Variants in ABCA12 observed in about 807,000 individuals in gnomAD.
The protein encoded by ABCA12 is ATP binding cassette subfamily A member 12.
ABCA12 carries 156 observed loss-of-function variants against 293.5 expected under a neutral mutation model. That is an observed-to-expected ratio of 0.53 (90% CI 0.47 to 0.61). The LOEUF is 0.61. Among genes scored for constraint, ABCA12 ranks in the 20% least tolerant of loss-of-function variants. The pLI, the probability that ABCA12 is intolerant of heterozygous loss-of-function variation, is 0.00. For missense variants in ABCA12, 2,797 were observed against 3,090.2 expected, an observed-to-expected ratio of 0.91 and a Z score of 2.25; for synonymous variants, 1,063 against 1,108.0, an observed-to-expected ratio of 0.96 and a Z score of 0.81.
chr2:214,946,408 G>A (rs944970682), intron 48 of ABCA12, among the ~76,000 whole-genome samples: 5 of 152,020 alleles, frequency 3.3e-5, no homozygotes, highest in African/African-American at 9.7e-5. Context: ...TACATAAAAT[G>A]TCTAACATTT....
intron 1 of ABCA12, among the ~76,000 whole-genome samples, chr2:215,133,303 A>T (rs1448829728): frequency 2.0e-5 from 3 of 151,182 alleles, no homozygotes; most frequent in Non-Finnish European, 4.4e-5. Context: ...CTGGATGTCT[A>T]CCATTCAAGC....
intron 22 of ABCA12, chr2:214,999,912 C>T (rs752253670): frequency 3.5e-5 from 26 of 743,710 alleles, no homozygotes; most frequent in Non-Finnish European, 4.3e-5. Flanking sequence ...AAATCCAATA[C>T]CATCTGAATT....
intron 1 of ABCA12, among the ~76,000 whole-genome samples, chr2:215,127,086 T>C (rs1702942924): frequency 6.6e-6 from 1 of 152,244 alleles, no homozygotes; most frequent in African/African-American, 2.4e-5. Context: ...TTAATTTCCA[T>C]GTGTTTGCAT....
At chr2:215,129,387 C>T (rs370685669) in intron 1 of ABCA12, among the ~76,000 whole-genome samples, 2 of 152,164 alleles carry the variant, frequency 1.3e-5, no homozygotes, top group Admixed American at 6.5e-5. Flanking sequence ...GGAGTTGCCG[C>T]GGGCTCCACT....
At chr2:215,026,609 C>T (rs1159219215) in intron 10 of ABCA12, among the ~76,000 whole-genome samples, 1 of 152,096 alleles carries the variant, frequency 6.6e-6, no homozygotes, top group Non-Finnish European at 1.5e-5. Flanking sequence ...GTCCAGGTGG[C>T]CAGCTAGTGC....
At chr2:215,016,037 G>A (rs1367552279) in intron 14 of ABCA12, among the ~76,000 whole-genome samples, 2 of 151,740 alleles carry the variant, frequency 1.3e-5, no homozygotes, top group African/African-American at 2.4e-5. Context: ...CCAGCTACTC[G>A]GGAGGCGGAG....
intron 1 of ABCA12, 96 bp from the exon 2 acceptor site, chr2:215,111,786 A>C (rs1393359392): frequency 3.5e-6 from 3 of 860,240 alleles, no homozygotes; most frequent in African/African-American, 1.7e-5. Flanking sequence ...ATAATATTTC[A>C]ACACAAGCTG....
Position 215,025,732 on chromosome 2 carries a change from GAA to G in ABCA12, c.1226_1227del (p.Phe409SerfsTer7). Reference protein sequence around the residue: ...LQSTIRFKKSFLRNGSYEDYF... With the variant: ...LQSTIRFKKSXLRNGSYEDYF... ...TAATCTTCATAGGAACCATTGCGAA[GAA>G]AAGATTTTTTAAATCGTATTGTGGA... is the stretch of plus-strand genomic sequence containing the variant. On this transcript the variant is annotated frameshift_variant, in exon 11 of 53. Transcript: ENST00000272895. LOFTEE classifies it high-confidence loss of function. The G allele has an allele frequency of 6.2e-7, 1 of 1,612,782 alleles. No individual in the cohort carries two copies. The highest frequency in any genetic ancestry group is 8.5e-7 in the Non-Finnish European group (1 of 1,179,576).
chr2:214,983,515 T>C (rs1699716028), intron 29 of ABCA12, 132 bp downstream of exon 29: 1 of 849,404 alleles, frequency 1.2e-6, no homozygotes, highest in Non-Finnish European at 2.0e-6. Context: ...ATTAAATAAG[T>C]AGAAAAACTA....
At chr2:214,959,263 G>A (rs1699045644) in intron 39 of ABCA12, among the ~76,000 whole-genome samples, 185 bp from the exon 40 acceptor site, 1 of 151,752 alleles carries the variant, frequency 6.6e-6, no homozygotes, top group South Asian at 2.1e-4. Context: ...ACAATTGGTG[G>A]CACTCACATA....
chr2:214,958,644 T>C (rs1699025440), intron 40 of ABCA12, among the ~76,000 whole-genome samples, 190 bp from the exon 41 acceptor site: 1 of 152,172 alleles, frequency 6.6e-6, no homozygotes, highest in Non-Finnish European at 1.5e-5. Flanking sequence ...TAAATGTAGT[T>C]CTAGTGCATC....
At chr2:214,977,115 G>A (rs1200053052) in intron 33 of ABCA12, among the ~76,000 whole-genome samples, 2 of 152,206 alleles carry the variant, frequency 1.3e-5, no homozygotes, top group African/African-American at 4.8e-5. Flanking sequence ...ACTGTAGAAG[G>A]AGCTGAATAT....
At chr2:214,968,918 T>C in intron 37 of ABCA12, 111 bp from the exon 38 acceptor site, 1 of 851,546 alleles carries the variant, frequency 1.2e-6, no homozygotes. Context: ...GGAACACATT[T>C]ACAGTATAAA....
rs1702766142 is a variant in ABCA12 at position 215,119,783 on chromosome 2, G to A, written c.70-8093C>T. Among the ~76,000 whole-genome samples, 3 of 148,890 alleles carry A rather than the reference G, an allele frequency of 2.0e-5. No individual in the cohort carries two copies. The South Asian group carries it at 6.3e-4, about 31-fold the overall frequency. The stretch of plus-strand genomic sequence containing the variant: ...ACAAAACAAAAAAAAACAGATGCTG[G>A]CAAGGCTTCAGAGAATAGGGAACAC... On this transcript the variant is annotated intron_variant, in intron 1 of 52. Coordinates refer to ENST00000272895, the MANE Select transcript of ABCA12 (RefSeq NM_173076.3).
At chr2:215,001,098 G>A in intron 21 of ABCA12, 78 bp from the exon 22 acceptor site, 1 of 1,404,674 alleles carries the variant, frequency 7.1e-7, no homozygotes, top group Non-Finnish European at 9.9e-7. Context: ...GTACACAGAG[G>A]GGACAGCCAA....
At position 214,989,544 on chromosome 2, in the gene ABCA12, G is replaced by A; in HGVS notation, c.3694+8C>T. 1.2e-6 allele frequency: 2 copies of A among 1,613,988 alleles called. No homozygotes were observed. Among genetic ancestry groups the A allele is most frequent in the Non-Finnish European group, 1.7e-6 (2 of 1,179,980 alleles). On this transcript the variant is annotated splice_region_variant and intron_variant, in intron 25 of 52. Coordinates refer to ENST00000272895, the MANE Select transcript of ABCA12 (RefSeq NM_173076.3). ...GATAAAATCCAGTTTTAAAGAAAGG[G>A]GACCTACCAATGCCCTGTTCTTCGT...
At chr2:215,008,238 A>G (rs1700296079) in intron 18 of ABCA12, among the ~76,000 whole-genome samples, 1 of 152,210 alleles carries the variant, frequency 6.6e-6, no homozygotes, top group African/African-American at 2.4e-5. Flanking sequence ...TAGATGTTAG[A>G]GGTTTTTGGA....
chr2:214,967,389 C>G (rs1463781963), intron 38 of ABCA12, among the ~76,000 whole-genome samples: 5 of 152,066 alleles, frequency 3.3e-5, no homozygotes, highest in Non-Finnish European at 5.9e-5. Flanking sequence ...GTCCTTAGCA[C>G]AAGATTGAAA....
chr2:215,011,861 T>C (rs1700381953), intron 16 of ABCA12, 110 bp downstream of exon 16: 1 of 1,198,878 alleles, frequency 8.3e-7, no homozygotes, highest in South Asian at 1.3e-5. Flanking sequence ...TTCTTGTAGG[T>C]GTTGTTTTTT....
Sources: allele counts gnomAD v4.1 joint callset (sites outside exome capture counted in the v4.1 genomes callset), GRCh38; gene constraint gnomAD v4.1.1; transcripts MANE v1.5; gene names NCBI Gene and HGNC (gene_info 2026-07-23, HGNC 2026-07-21).